The following PAN3 variants were observed in gnomAD, a reference collection of about 807,000 sequenced individuals.
PAN3 encodes poly(A) specific ribonuclease subunit PAN3.
A neutral mutation model predicts 96.2 loss-of-function variants in PAN3; 19 were observed. The ratio of observed to expected loss-of-function variants is 0.20; its 90% confidence interval spans 0.14 to 0.29. The LOEUF (loss-of-function observed/expected upper bound fraction) is 0.29. PAN3 is among the 10% of genes least tolerant of loss of function. PAN3 has a pLI of 1.00. For missense variants in PAN3, 882 were observed against 1,108.1 expected (o/e 0.80, Z 2.90); for synonymous variants, 433 against 406.6 (o/e 1.06, Z -0.78).
chr13:28,152,364 G>A (rs1275111335), intron 1 of PAN3, among the ~76,000 whole-genome samples: 2 of 152,000 alleles, frequency 1.3e-5, no homozygotes, highest in Non-Finnish European at 2.9e-5. Context: ...GGGGTGGATC[G>A]CCTTAGGTCA....
At chr13:28,286,311 T>C (rs2138745547) in intron 17 of PAN3, among the ~76,000 whole-genome samples, 1 of 152,328 alleles carries the variant, frequency 6.6e-6, no homozygotes, top group South Asian at 2.1e-4. Context: ...CTCTTCATCT[T>C]CTGGTTTGCT....
intron 4 of PAN3, among the ~76,000 whole-genome samples, chr13:28,179,656 A>G (rs1875506629): frequency 1.3e-5 from 2 of 151,734 alleles, no homozygotes; most frequent in African/African-American, 4.8e-5. Flanking sequence ...GTGAGCCAAG[A>G]TCATGCCACT....
chr13:28,196,138 C>T (rs188864424), intron 4 of PAN3, among the ~76,000 whole-genome samples: 81 of 151,906 alleles, frequency 5.3e-4, no homozygotes, highest in Non-Finnish European at 4.4e-4. Context: ...GGATTACAGG[C>T]ATGAGCCACC....
At chr13:28,208,080 TA>T (rs1272997672) in intron 5 of PAN3, among the ~76,000 whole-genome samples, 2 of 152,202 alleles carry the variant, frequency 1.3e-5, no homozygotes, top group Non-Finnish European at 2.9e-5. Flanking sequence ...TTTCCCTTGG[TA>T]CAGTTTCATT....
intron 1 of PAN3, among the ~76,000 whole-genome samples, chr13:28,155,507 T>C (rs1350548815): frequency 2.0e-5 from 3 of 152,048 alleles, no homozygotes; most frequent in South Asian, 2.1e-4. Flanking sequence ...GAGATTTGCA[T>C]GACCCCGGGA....
intron 7 of PAN3, among the ~76,000 whole-genome samples, chr13:28,256,860 T>G (rs9551453): frequency 0.19 from 28,889 of 152,100 alleles, 4,182 homozygotes; most frequent in African/African-American, 0.4. Flanking sequence ...GACATTTGTT[T>G]ATAGGTATAG....
At chr13:28,155,984 A>G (rs78444203) in intron 1 of PAN3, among the ~76,000 whole-genome samples, 2,930 of 152,266 alleles carry the variant, frequency 0.019, 111 homozygotes, top group African/African-American at 0.067. Context: ...AGGCCCTTCT[A>G]GGATATGCTA....
At chr13:28,264,893 C>T (rs1886030815) in intron 9 of PAN3, among the ~76,000 whole-genome samples, 1 of 152,190 alleles carries the variant, frequency 6.6e-6, no homozygotes, top group Non-Finnish European at 1.5e-5. Flanking sequence ...GTTTAAGAAC[C>T]AGTGCCATAG....
intron 4 of PAN3, among the ~76,000 whole-genome samples, chr13:28,185,829 T>A (rs941446190): frequency 6.6e-6 from 1 of 152,188 alleles, no homozygotes; most frequent in African/African-American, 2.4e-5. Flanking sequence ...AACTAGTAGA[T>A]CATTCTAAGG....
chr13:28,147,930 C>G (rs930905861), intron 1 of PAN3, among the ~76,000 whole-genome samples: 21 of 151,982 alleles, frequency 1.4e-4, no homozygotes, highest in African/African-American at 4.8e-4. Context: ...AGATACTGTT[C>G]CTATTTTTCT....
intron 9 of PAN3, 89 bp from the exon 10 acceptor site, chr13:28,266,626 G>A: frequency 9.4e-7 from 1 of 1,066,128 alleles, no homozygotes; most frequent in Non-Finnish European, 1.3e-6. Flanking sequence ...TACACAAGGG[G>A]TTTATAGTAA....
chr13:28,260,402 A>G, intron 7 of PAN3, 45 bp from the exon 8 acceptor site: 1 of 1,456,950 alleles, frequency 6.9e-7, no homozygotes. Context: ...TGAAAAAAAG[A>G]AAGAAAAATG....
At chr13:28,232,642 TAAAA>T (rs1380112409) in intron 6 of PAN3, 1 of 151,814 alleles carries the variant, frequency 6.6e-6, no homozygotes, top group Non-Finnish European at 1.5e-5. Context: ...GATTAAAAAA[TAAAA>T]AATTTATAAA....
intron 6 of PAN3, among the ~76,000 whole-genome samples, chr13:28,254,060 A>T (rs780499526): frequency 6.6e-6 from 1 of 152,146 alleles, no homozygotes; most frequent in Admixed American, 6.6e-5. Flanking sequence ...AGCCAATGCT[A>T]CACATAGCCC....
At chr13:28,267,675 G>A (rs1410478724) in intron 12 of PAN3, among the ~76,000 whole-genome samples, 2 of 152,134 alleles carry the variant, frequency 1.3e-5, no homozygotes, top group Non-Finnish European at 1.5e-5. Flanking sequence ...CTCACATGGC[G>A]GCAGACAAGA....
intron 5 of PAN3, among the ~76,000 whole-genome samples, chr13:28,198,683 A>C (rs923842578): frequency 3.3e-5 from 5 of 152,240 alleles, no homozygotes; most frequent in African/African-American, 1.2e-4. Context: ...ATTTCAATTT[A>C]GCCAGAGGTA....
At chr13:28,226,925 T>C (rs540262991) in intron 6 of PAN3, among the ~76,000 whole-genome samples, 1 of 152,384 alleles carries the variant, frequency 6.6e-6, no homozygotes, top group African/African-American at 2.4e-5. Flanking sequence ...GAGATTGCTT[T>C]CTTCATTAAA....
intron 6 of PAN3, among the ~76,000 whole-genome samples, chr13:28,239,271 C>G (rs545458082): frequency 1.3e-5 from 2 of 151,272 alleles, no homozygotes; most frequent in South Asian, 4.2e-4. Context: ...ATGAAAATAG[C>G]TTTGGCCCTT....
chr13:28,198,047 C>A (rs928794613), intron 5 of PAN3, among the ~76,000 whole-genome samples: 1 of 151,844 alleles, frequency 6.6e-6, no homozygotes, highest in Non-Finnish European at 1.5e-5. Context: ...CCGAGGAAGG[C>A]GTATCACCTG....
Sources: gnomAD v4.1 joint callset for allele counts (sites outside exome capture counted in the v4.1 genomes callset) on GRCh38, gnomAD v4.1.1 for gene constraint, MANE v1.5 for transcripts, NCBI Gene and HGNC (gene_info 2026-07-23, HGNC 2026-07-21) for gene names.